CCDC169: variants seen among roughly 807,000 people sequenced by gnomAD.
CCDC169 encodes coiled-coil domain-containing protein 169.
CCDC169 carries 30 observed loss-of-function variants against 36.0 expected under a neutral mutation model. The ratio of observed to expected loss-of-function variants is 0.83; its 90% CI spans 0.62 to 1.13. CCDC169 has a LOEUF of 1.13. CCDC169 is among the 50% of genes most tolerant of loss of function. The pLI is 0.00. For synonymous variants in CCDC169, 85 were observed against 81.5 expected (o/e 1.04, Z -0.23); for missense variants, 245 against 245.9 (o/e 1.00, Z 0.03).
intron 2 of CCDC169, among the ~76,000 whole-genome samples, chr13:36,286,046 T>C (rs1318686515): frequency 6.6e-6 from 1 of 152,198 alleles, no homozygotes; most frequent in Non-Finnish European, 1.5e-5. Flanking sequence ...ACAATTTTAG[T>C]GTCCCGTATG....
intron 2 of CCDC169, among the ~76,000 whole-genome samples, chr13:36,295,387 C>T (rs1017076240): frequency 2.0e-5 from 3 of 152,088 alleles, no homozygotes; most frequent in Non-Finnish European, 2.9e-5. Context: ...ACACATTCTT[C>T]CAACAACAAT....
intron 4 of CCDC169, among the ~76,000 whole-genome samples, chr13:36,259,178 G>C (rs1444588776): frequency 6.6e-6 from 1 of 152,172 alleles, no homozygotes; most frequent in East Asian, 1.9e-4. Flanking sequence ...TGAGGGCCGA[G>C]AGCAGGATGG....
chr13:36,274,545 C>T (rs564049376), intron 4 of CCDC169: 38 of 152,238 alleles, frequency 2.5e-4, no homozygotes, highest in African/African-American at 8.7e-4. Flanking sequence ...GACAAAGCAA[C>T]GCCACAGTTA....
chr13:36,244,396 C>T (rs964008799), intron 7 of CCDC169: 7 of 152,186 alleles, frequency 4.6e-5, no homozygotes, highest in Non-Finnish European at 7.3e-5. Flanking sequence ...CCAATAGAAA[C>T]ATTAGATGCT....
chr13:36,270,036 C>T (rs752565688), intron 4 of CCDC169, among the ~76,000 whole-genome samples: 1 of 152,132 alleles, frequency 6.6e-6, no homozygotes, highest in Non-Finnish European at 1.5e-5. Flanking sequence ...AAAGACTCCT[C>T]CCAAAAGACT....
chr13:36,230,118 T>G (rs1220318773), downstream of CCDC169, among the ~76,000 whole-genome samples: 1 of 152,200 alleles, frequency 6.6e-6, no homozygotes, highest in Non-Finnish European at 1.5e-5. Context: ...TAAACTTTTA[T>G]AGAAGAAGTT....
intron 4 of CCDC169, among the ~76,000 whole-genome samples, chr13:36,270,301 A>C (rs752652654): frequency 4.6e-5 from 7 of 152,216 alleles, no homozygotes; most frequent in African/African-American, 7.2e-5. Flanking sequence ...ACAACATCCC[A>C]TGCTCATGAA....
downstream of CCDC169, chr13:36,227,298 GGTC>G (rs1869940816): frequency 6.4e-7 from 1 of 1,551,298 alleles, no homozygotes; most frequent in Non-Finnish European, 8.7e-7. Context: ...CCTATTCTCT[GGTC>G]CAGCCACACC....
chr13:36,266,476 C>T (rs1875336732), intron 4 of CCDC169, among the ~76,000 whole-genome samples: 1 of 152,106 alleles, frequency 6.6e-6, no homozygotes, highest in Non-Finnish European at 1.5e-5. Context: ...CCTGGTCATC[C>T]CTATCAGGGC....
At chr13:36,278,015 T>G (rs1877054085) in intron 4 of CCDC169, among the ~76,000 whole-genome samples, 1 of 152,034 alleles carries the variant, frequency 6.6e-6, no homozygotes, top group Non-Finnish European at 1.5e-5. Flanking sequence ...ACCAAAAGAT[T>G]CAGAAGATTC....
At chr13:36,242,582 T>C (rs1221443410) in intron 7 of CCDC169, among the ~76,000 whole-genome samples, 1 of 152,230 alleles carries the variant, frequency 6.6e-6, no homozygotes, top group African/African-American at 2.4e-5. Flanking sequence ...GCATTGTTTA[T>C]AGTTTCAGAG....
intron 2 of CCDC169, among the ~76,000 whole-genome samples, chr13:36,288,560 C>G (rs1200747958): frequency 6.6e-6 from 1 of 152,064 alleles, no homozygotes; most frequent in Non-Finnish European, 1.5e-5. Flanking sequence ...TATGGGAAAA[C>G]ATATTTCTAA....
intron 7 of CCDC169, among the ~76,000 whole-genome samples, chr13:36,240,373 T>C (rs748825214): frequency 1.7e-4 from 26 of 152,122 alleles, no homozygotes; most frequent in Non-Finnish European, 2.9e-4. Context: ...ATAATTTTTG[T>C]TTACTATTAT....
In CCDC169 at chr13:36,297,674, G is replaced by T. The variant is rs1451737206; in HGVS notation, c.46C>A (p.Arg16Ser). The T allele has an allele frequency of 3.9e-6, 6 of 1,551,272 alleles. No homozygotes were observed. The highest frequency in any genetic ancestry group is 2.0e-5 in the Admixed American group (1 of 51,004). Reference sequence around the variant, plus strand: ...TCTTCCAGCAACTGCTGTTTCAGGCGGTTGGTGCTCACACCGTCGAAGTTG... The same window carrying T: ...TCTTCCAGCAACTGCTGTTTCAGGCTGTTGGTGCTCACACCGTCGAAGTTG... ...NYNFDGVSTN[R>S]LKQQLLEEVR... is the part of the protein sequence containing the mutation. The change falls in exon 1 of 8, where the codon CGC (arginine) becomes AGC (serine). Residue 16 changes from arginine to serine, a missense_variant. Transcript: ENST00000239859.
chr13:36,279,894 C>T (rs544448048), intron 4 of CCDC169, among the ~76,000 whole-genome samples: 7 of 152,268 alleles, frequency 4.6e-5, no homozygotes, highest in Admixed American at 1.3e-4. Flanking sequence ...TAGAGGAACA[C>T]TTTGCACTGA....
chr13:36,257,088 G>A (rs1873979456), intron 4 of CCDC169, among the ~76,000 whole-genome samples: 2 of 151,516 alleles, frequency 1.3e-5, no homozygotes, highest in Admixed American at 1.3e-4. Context: ...TAACGACCAG[G>A]TAGACCACCT....
intron 4 of CCDC169, among the ~76,000 whole-genome samples, chr13:36,281,445 C>G (rs564340737): frequency 6.6e-6 from 1 of 151,656 alleles, no homozygotes; most frequent in African/African-American, 2.4e-5. Flanking sequence ...GAAAAGTGAA[C>G]CTCAAGAAAA....
At chr13:36,242,198 G>A (rs1194656886) in intron 7 of CCDC169, among the ~76,000 whole-genome samples, 2 of 152,154 alleles carry the variant, frequency 1.3e-5, no homozygotes, top group Non-Finnish European at 2.9e-5. Flanking sequence ...ATTCCAAAGT[G>A]GTTATATAAA....
chr13:36,267,528 G>T (rs1018841184), intron 4 of CCDC169, among the ~76,000 whole-genome samples: 3 of 151,142 alleles, frequency 2.0e-5, no homozygotes, highest in African/African-American at 7.3e-5. Flanking sequence ...AAACTCACAG[G>T]GACTATAAAA....
Sources: allele counts gnomAD v4.1 joint callset (sites outside exome capture counted in the v4.1 genomes callset), GRCh38; gene constraint gnomAD v4.1.1; transcripts MANE v1.5; gene names NCBI Gene and HGNC (gene_info 2026-07-23, HGNC 2026-07-21).